The following SP140L variants were observed in gnomAD, a reference collection of about 807,000 sequenced individuals.
SP140L encodes the protein SP140 like nuclear body protein, also known as nuclear body protein SP140-like protein.
In SP140L, 64 loss-of-function variants were observed where a neutral mutation model predicts 84.3. That is an observed-to-expected ratio of 0.76 (90% CI 0.62 to 0.94). SP140L has a LOEUF of 0.94. Ranked by LOEUF, SP140L falls within the 40% of genes least tolerant of loss-of-function variation. The pLI is 0.00. For synonymous variants in SP140L, 242 were observed against 236.9 expected (o/e 1.02, Z -0.20); for missense variants, 628 against 692.5 (o/e 0.91, Z 1.05).
intron 2 of SP140L, among the ~76,000 whole-genome samples, chr2:230,337,526 T>C (rs2059914490): frequency 6.6e-6 from 1 of 151,732 alleles, no homozygotes; most frequent in Admixed American, 6.6e-5. Context: ...ATTTTGTCTT[T>C]TGTTGCCATT....
intron 5 of SP140L, among the ~76,000 whole-genome samples, chr2:230,363,026 C>T (rs2060767787): frequency 2.0e-5 from 3 of 152,016 alleles, no homozygotes; most frequent in Admixed American, 2.0e-4. Context: ...ACAAGACATC[C>T]AGGGCTTATG....
chr2:230,402,784 T>G lies in SP140L; in HGVS notation c.1645-14T>G. The G allele has an allele frequency of 6.2e-7, 1 of 1,601,792 alleles. No individual in the cohort carries two copies. The highest frequency in any genetic ancestry group is 8.5e-7 in the Non-Finnish European group (1 of 1,170,074). ...ATAAGGAACATCGTTTTTGTCTTTA[T>G]TACTTTTTTCCAGTATAAGGATTTT... On this transcript the variant is annotated splice_polypyrimidine_tract_variant and intron_variant, in intron 18 of 18. Coordinates refer to ENST00000415673, the MANE Select transcript of SP140L (RefSeq NM_138402.6).
At chr2:230,376,283 A>G (rs1480510462) in intron 7 of SP140L, among the ~76,000 whole-genome samples, 2 of 152,192 alleles carry the variant, frequency 1.3e-5, no homozygotes, top group Non-Finnish European at 2.9e-5. Context: ...AAAAAAAGTC[A>G]TCCAAATTGG....
intron 16 of SP140L, 23 bp downstream of exon 16, chr2:230,401,086 G>A (rs1156684339): frequency 9.8e-7 from 1 of 1,024,032 alleles, no homozygotes; most frequent in Non-Finnish European, 1.4e-6. Context: ...CAAACCCCAA[G>A]CCTTCTCCTT....
In SP140L at chr2:230,349,435, G is replaced by C. The variant is rs2060300996; in HGVS notation, c.108-8370G>C. ...GGAATTTTGATAGGAATCACATTGA[G>C]TTTATAGGTCAATTTGGAGAGAATT... On this transcript the variant is annotated intron_variant, in intron 2 of 18. Coordinates refer to ENST00000415673, the MANE Select transcript of SP140L (RefSeq NM_138402.6). Among the ~76,000 whole-genome samples, 12 of 152,248 alleles carry C rather than the reference G, an allele frequency of 7.9e-5. No homozygotes were observed. In the South Asian group the frequency reaches 2.5e-3, roughly 32 times the overall value.
chr2:230,333,136 T>G (rs2059771932), intron 2 of SP140L, among the ~76,000 whole-genome samples: 1 of 152,072 alleles, frequency 6.6e-6, no homozygotes, highest in South Asian at 2.1e-4. Flanking sequence ...TTTTCAGCAT[T>G]GCTAATAAGA....
intron 5 of SP140L, among the ~76,000 whole-genome samples, chr2:230,369,921 AC>A (rs1559435241): frequency 6.8e-5 from 10 of 147,852 alleles, no homozygotes; most frequent in Non-Finnish European, 1.2e-4. Flanking sequence ...TTACAGGCGC[AC>A]GCCACCACAC....
chr2:230,364,721 T>A (rs56006843), intron 5 of SP140L, among the ~76,000 whole-genome samples: 11,136 of 152,178 alleles, frequency 0.073, 666 homozygotes, highest in South Asian at 0.2. Context: ...TTGTTTCTGA[T>A]CTTAGAGGGA....
chr2:230,385,804 C>G (rs2061557662), intron 9 of SP140L, among the ~76,000 whole-genome samples: 1 of 152,214 alleles, frequency 6.6e-6, no homozygotes, highest in African/African-American at 2.4e-5. Context: ...CTCCTTCAGC[C>G]TGGGCAAGCC....
chr2:230,361,676 A>C lies in SP140L; in HGVS notation c.502A>C (p.Ile168Leu). Residue 168 changes from isoleucine to leucine, a missense_variant, in exon 5 of 19, where the codon ATC (isoleucine) becomes CTC (leucine). Physicochemically the swap from Ile to Leu is conservative, Grantham distance 5. Transcript: ENST00000415673. ...DRKEREERPD[I>L]KLSLKQGEVP... ...AAAAGAAAGGGAAGAGAGGCCTGAC[A>C]TCAAACTAAGTCTTAAACAAGGTAA... 3 of 1,561,394 alleles carry C rather than the reference A, an allele frequency of 1.9e-6. No individual in the cohort carries two copies. Among genetic ancestry groups the C allele is most frequent in the Non-Finnish European group, 2.6e-6 (3 of 1,151,670 alleles).
chr2:230,392,246 A>G lies in SP140L; in HGVS notation c.1107+17A>G. On this transcript the variant is annotated intron_variant, in intron 12 of 18. Transcript: ENST00000415673. ...CTGATGGAGGTATTCCAATGACAAG[A>G]GGCCAGACCTGTGCCCATTCTTCTT... 15 of 1,613,290 alleles carry G rather than the reference A, an allele frequency of 9.3e-6. No homozygotes were observed. The highest frequency in any genetic ancestry group is 1.3e-5 in the Non-Finnish European group (15 of 1,179,760).
intron 7 of SP140L, among the ~76,000 whole-genome samples, chr2:230,376,285 C>T (rs2061238424): frequency 6.6e-6 from 1 of 152,040 alleles, no homozygotes. Flanking sequence ...AAAAAGTCAT[C>T]CAAATTGGAA....
At chr2:230,370,287 A>G (rs186658519) in intron 5 of SP140L, among the ~76,000 whole-genome samples, 2 of 152,262 alleles carry the variant, frequency 1.3e-5, no homozygotes, top group East Asian at 3.9e-4. Flanking sequence ...TTGGCTCAGA[A>G]TATTAGTGTC....
At chr2:230,352,693 A>G (rs1230049239) in intron 2 of SP140L, among the ~76,000 whole-genome samples, 4 of 152,118 alleles carry the variant, frequency 2.6e-5, no homozygotes, top group African/African-American at 9.7e-5. Flanking sequence ...TAGTTTTTCT[A>G]TGTATATAAT....
chr2:230,385,469 G>T (rs1185242645), intron 9 of SP140L, among the ~76,000 whole-genome samples, 165 bp downstream of exon 9: 1 of 152,108 alleles, frequency 6.6e-6, no homozygotes, highest in Non-Finnish European at 1.5e-5. Context: ...GTTGTAAGTT[G>T]ATTGTATTCA....
At chr2:230,366,878 G>A (rs1254983151) in intron 5 of SP140L, among the ~76,000 whole-genome samples, 5 of 151,776 alleles carry the variant, frequency 3.3e-5, no homozygotes, top group Admixed American at 1.3e-4. Context: ...GACTACAGGC[G>A]CATGCCACCA....
chr2:230,400,704 C>A (rs931221025), intron 15 of SP140L: 5 of 809,612 alleles, frequency 6.2e-6, no homozygotes, highest in Admixed American at 5.7e-5. Flanking sequence ...GCAGCTCAGA[C>A]AGGGAAAGGA....
chr2:230,392,515 AGAG>A (rs1215424267), intron 12 of SP140L, among the ~76,000 whole-genome samples: 1 of 152,200 alleles, frequency 6.6e-6, no homozygotes, highest in African/African-American at 2.4e-5. Flanking sequence ...GAGAAAAAGA[AGAG>A]AGTCGATAGT....
intron 4 of SP140L, 111 bp from the exon 5 acceptor site, chr2:230,361,503 G>GTCATGTGTAACCA (rs11275282): frequency 3.9e-6 from 3 of 762,182 alleles, no homozygotes; most frequent in East Asian, 5.4e-5. Flanking sequence ...AGAAGTTTAA[G>GTCATGTGTAACCA]TCTGACTTCT....
Sources: allele counts gnomAD v4.1 joint callset (sites outside exome capture counted in the v4.1 genomes callset), GRCh38; gene constraint gnomAD v4.1.1; transcripts MANE v1.5; gene names NCBI Gene and HGNC (gene_info 2026-07-23, HGNC 2026-07-21).